PKIB: variants seen among roughly 807,000 people sequenced by gnomAD.
PKIB encodes PKI-beta.
Under a neutral mutation model 4.5 loss-of-function variants are expected in PKIB, and 2 were observed. The observed-to-expected ratio is 0.44, with a 90% CI of 0.18 to 1.39. The LOEUF (loss-of-function observed/expected upper bound fraction) is 1.39. PKIB is among the 40% of genes most tolerant of loss of function. PKIB has a pLI of 0.27. For missense variants in PKIB, 94 were observed against 92.6 expected (o/e 1.02, Z -0.06); for synonymous variants, 38 against 36.0 (o/e 1.06, Z -0.20).
intron 2 of PKIB, among the ~76,000 whole-genome samples, chr6:122,580,188 T>A (rs1338791004): frequency 6.6e-6 from 1 of 151,222 alleles, no homozygotes; most frequent in Non-Finnish European, 1.5e-5. Flanking sequence ...GTAGTCAAAT[T>A]CAAACATATT....
intron 2 of PKIB, among the ~76,000 whole-genome samples, chr6:122,522,166 C>T (rs1393586160): frequency 1.3e-5 from 2 of 151,832 alleles, no homozygotes; most frequent in Non-Finnish European, 2.9e-5. Context: ...AAACATAAAG[C>T]GAGAAATGCA....
intron 2 of PKIB, among the ~76,000 whole-genome samples, chr6:122,655,229 C>A (rs1776718671): frequency 1.3e-5 from 2 of 152,024 alleles, no homozygotes; most frequent in South Asian, 4.2e-4. Flanking sequence ...AAATGTGGCA[C>A]AAAAAATGGA....
intron 2 of PKIB, among the ~76,000 whole-genome samples, chr6:122,550,310 A>G (rs550689777): frequency 6.6e-6 from 1 of 152,310 alleles, no homozygotes; most frequent in South Asian, 2.1e-4. Flanking sequence ...TGAAACTTCT[A>G]TCACTTCTGC....
At chr6:122,668,229 A>G (rs1562293226) in intron 2 of PKIB, among the ~76,000 whole-genome samples, 1 of 152,222 alleles carries the variant, frequency 6.6e-6, no homozygotes, top group Non-Finnish European at 1.5e-5. Context: ...AATGTGTACC[A>G]GTATTAAGAG....
chr6:122,606,778 G>C (rs1774552664), upstream of PKIB, among the ~76,000 whole-genome samples: 1 of 151,958 alleles, frequency 6.6e-6, no homozygotes, highest in Admixed American at 6.6e-5. Context: ...TAAAAACATG[G>C]AGTATGATGA....
intron 3 of PKIB, among the ~76,000 whole-genome samples, chr6:122,701,950 T>C (rs1173690166): frequency 6.6e-6 from 1 of 152,054 alleles, no homozygotes; most frequent in Non-Finnish European, 1.5e-5. Flanking sequence ...GTGGGAGTAA[T>C]AGTAACAAGA....
chr6:122,616,808 T>C (rs1775011150), intron 1 of PKIB, among the ~76,000 whole-genome samples: 1 of 152,068 alleles, frequency 6.6e-6, no homozygotes, highest in African/African-American at 2.4e-5. Context: ...TGGAGTCTGG[T>C]GGATTGATCA....
intron 2 of PKIB, among the ~76,000 whole-genome samples, chr6:122,516,035 C>T (rs1776740213): frequency 6.6e-6 from 1 of 152,078 alleles, no homozygotes; most frequent in African/African-American, 2.4e-5. Flanking sequence ...TTTAATGATT[C>T]CTGGCTCATA....
chr6:122,476,103 A>T (rs959925646), intron 1 of PKIB, among the ~76,000 whole-genome samples: 4 of 152,194 alleles, frequency 2.6e-5, no homozygotes, highest in Non-Finnish European at 5.9e-5. Context: ...TAGTACATCA[A>T]CACTAAATAT....
intron 2 of PKIB, among the ~76,000 whole-genome samples, chr6:122,551,821 G>C (rs1244454893): frequency 6.9e-6 from 1 of 145,090 alleles, no homozygotes; most frequent in Non-Finnish European, 1.5e-5. Flanking sequence ...GGTTAAATGA[G>C]AGTAATCACC....
rs191298803 is a variant in PKIB, at chr6:122,623,909, A to G, written c.-160-9374A>G. On this transcript the variant is annotated intron_variant, in intron 1 of 4. Coordinates refer to ENST00000368452, the MANE Select transcript of PKIB (RefSeq NM_181795.3). ...CTGTTTATCTTTCTTGTGTAAGAGTATTAATAAATCTAAAACATATTAAAC... is the reference window on the plus strand; with the variant it reads ...CTGTTTATCTTTCTTGTGTAAGAGTGTTAATAAATCTAAAACATATTAAAC... Among the ~76,000 whole-genome samples, 200 of 152,186 alleles carry G rather than the reference A, an allele frequency of 1.3e-3. 4 individuals are homozygous for G. The South Asian group carries it at 0.025, about 19-fold the overall frequency.
chr6:122,604,886 T>G (rs1323218547), intron 3 of PKIB, among the ~76,000 whole-genome samples: 2 of 152,198 alleles, frequency 1.3e-5, no homozygotes, highest in African/African-American at 4.8e-5. Flanking sequence ...AGGAATACTT[T>G]GTTAGGAAAT....
chr6:122,692,461 T>G (rs1306835447), intron 3 of PKIB, among the ~76,000 whole-genome samples: 1 of 152,206 alleles, frequency 6.6e-6, no homozygotes, highest in African/African-American at 2.4e-5. Context: ...TCTCTCTCTG[T>G]GGCCACCACC....
chr6:122,606,715 A>G (rs1774550779), upstream of PKIB, among the ~76,000 whole-genome samples: 1 of 151,578 alleles, frequency 6.6e-6, no homozygotes, highest in Non-Finnish European at 1.5e-5. Flanking sequence ...GTAGGTCACC[A>G]AATTTGTGGT....
intron 2 of PKIB, among the ~76,000 whole-genome samples, chr6:122,510,443 G>A (rs1282692196): frequency 6.6e-6 from 1 of 152,148 alleles, no homozygotes; most frequent in Non-Finnish European, 1.5e-5. Flanking sequence ...GTTATTAACG[G>A]CAGGGATGAT....
At chr6:122,652,274 G>A (rs1295936287) in intron 2 of PKIB, among the ~76,000 whole-genome samples, 1 of 141,794 alleles carries the variant, frequency 7.1e-6, no homozygotes, top group African/African-American at 2.6e-5. Context: ...TATATATGTT[G>A]TGTGCATATA....
chr6:122,573,949 G>C (rs1215117083), intron 2 of PKIB, among the ~76,000 whole-genome samples: 4 of 152,058 alleles, frequency 2.6e-5, no homozygotes, highest in Non-Finnish European at 5.9e-5. Flanking sequence ...AATAAATAAA[G>C]GGCATCCAAA....
chr6:122,547,925 T>G (rs1772554779), intron 2 of PKIB, among the ~76,000 whole-genome samples: 1 of 152,156 alleles, frequency 6.6e-6, no homozygotes, highest in Admixed American at 6.5e-5. Flanking sequence ...ATGTCTCCTT[T>G]GGCCTATCCT....
rs1435435594 is a variant in PKIB, at chr6:122,691,151, A to G, written c.-9+16007A>G. Among the ~76,000 whole-genome samples the G allele has an allele frequency of 5.9e-5, 9 of 151,920 alleles. No individual in the cohort carries two copies. In the East Asian group the frequency reaches 1.5e-3, roughly 26 times the overall value. On this transcript the variant is annotated intron_variant, in intron 3 of 4. Transcript: ENST00000368452. ...TGACCTTTGGGAGTTTGATTATTAA[A>G]TGCCTTAAGGTAGTCTCCTTTCAGT...
Sources: allele counts gnomAD v4.1 joint callset (sites outside exome capture counted in the v4.1 genomes callset), GRCh38; gene constraint gnomAD v4.1.1; transcripts MANE v1.5; gene names NCBI Gene and HGNC (gene_info 2026-07-23, HGNC 2026-07-21).